COL5A2: variants seen among roughly 807,000 people sequenced by gnomAD.
COL5A2 encodes collagen type V alpha 2 chain.
In COL5A2, 23 loss-of-function variants were observed where a neutral mutation model predicts 208.2. The ratio of observed to expected loss-of-function variants is 0.11; its 90% CI spans 0.08 to 0.16. The LOEUF (loss-of-function observed/expected upper bound fraction) is 0.16. Among genes scored for constraint, COL5A2 ranks in the 10% least tolerant of loss-of-function variants. The pLI is 1.00. For missense variants in COL5A2, 1,590 were observed against 1,956.4 expected (o/e 0.81, Z 3.53); for synonymous variants, 625 against 628.5 (o/e 0.99, Z 0.08).
chr2:189,211,481 G>A (rs1437161291), intron 1 of COL5A2, among the ~76,000 whole-genome samples: 3 of 152,166 alleles, frequency 2.0e-5, no homozygotes, highest in Non-Finnish European at 4.4e-5. Context: ...TATAGAAAGT[G>A]TAGACCAAGA....
chr2:189,106,944 ATAAT>A (rs1454925590), intron 2 of COL5A2, among the ~76,000 whole-genome samples: 21 of 151,516 alleles, frequency 1.4e-4, no homozygotes, highest in African/African-American at 4.8e-4. Context: ...TTTTTCATGA[ATAAT>A]TACTCTCTTA....
At chr2:189,294,436 G>A in the COL5A2 span, among the ~76,000 whole-genome samples, 3 of 152,108 alleles carry the variant, frequency 2.0e-5, no homozygotes, top group East Asian at 1.9e-4. Flanking sequence ...GATTAGAGTC[G>A]ATTAGAGGAG....
At chr2:189,036,856 A>G (rs1026618810) in intron 51 of COL5A2, 53 bp from the exon 52 acceptor site, 2 of 1,315,198 alleles carry the variant, frequency 1.5e-6, no homozygotes, top group African/African-American at 1.5e-5. Flanking sequence ...AATCATGACT[A>G]TAAGTCTCCA....
At chr2:189,203,860 C>T (rs1405699401) in intron 1 of COL5A2, among the ~76,000 whole-genome samples, 1 of 151,638 alleles carries the variant, frequency 6.6e-6, no homozygotes, top group East Asian at 1.9e-4. Context: ...TAGTCTGTAA[C>T]TTTCCCTGTC....
At chr2:189,366,570 C>G in the COL5A2 span, among the ~76,000 whole-genome samples, 2 of 152,354 alleles carry the variant, frequency 1.3e-5, no homozygotes, top group African/African-American at 4.8e-5. Context: ...TAATTACCAT[C>G]ACATTCCTCA....
At chr2:189,067,093 T>C (rs1430081994) in intron 21 of COL5A2, among the ~76,000 whole-genome samples, 2 of 152,166 alleles carry the variant, frequency 1.3e-5, no homozygotes, top group Admixed American at 6.5e-5. Context: ...AATTTGAAAA[T>C]TAAAATTGGA....
chr2:189,051,138 C>T (rs1397465691), intron 42 of COL5A2, among the ~76,000 whole-genome samples, 182 bp downstream of exon 42: 2 of 151,992 alleles, frequency 1.3e-5, no homozygotes, highest in African/African-American at 4.8e-5. Context: ...TCTATTACTG[C>T]TATTTTTAAA....
intron 17 of COL5A2, among the ~76,000 whole-genome samples, chr2:189,072,799 T>C (rs1686305929): frequency 6.7e-6 from 1 of 150,248 alleles, no homozygotes; most frequent in Admixed American, 6.7e-5. Context: ...ATCTGGATAT[T>C]TTAGAGAGGT....
At chr2:189,278,477 CAG>C in the COL5A2 span, among the ~76,000 whole-genome samples, 1 of 152,016 alleles carries the variant, frequency 6.6e-6, no homozygotes, top group Non-Finnish European at 1.5e-5. Flanking sequence ...TTGGAAGAAA[CAG>C]AAAATTAAAC....
intron 1 of COL5A2, among the ~76,000 whole-genome samples, chr2:189,205,212 G>A (rs1689128216): frequency 6.6e-6 from 1 of 152,230 alleles, no homozygotes; most frequent in Non-Finnish European, 1.5e-5. Flanking sequence ...AGCCAAAAGA[G>A]AAGAAATCTT....
chr2:189,161,550 T>C (rs976586757), intron 1 of COL5A2, among the ~76,000 whole-genome samples: 9 of 152,234 alleles, frequency 5.9e-5, no homozygotes, highest in Non-Finnish European at 1.2e-4. Flanking sequence ...TTAAGCTCAA[T>C]GCTATGTATA....
chr2:189,408,522 A>C, the COL5A2 span, among the ~76,000 whole-genome samples: 1 of 152,190 alleles, frequency 6.6e-6, no homozygotes, highest in Non-Finnish European at 1.5e-5. Flanking sequence ...ATAAAAAGGA[A>C]AGCAACTCAG....
chr2:189,120,198 AC>A (rs1365071930), intron 1 of COL5A2, among the ~76,000 whole-genome samples: 7 of 152,136 alleles, frequency 4.6e-5, no homozygotes, highest in Non-Finnish European at 7.4e-5. Flanking sequence ...GCCAAAAACA[AC>A]CAAAATATAC....
the COL5A2 span, among the ~76,000 whole-genome samples, chr2:189,333,119 TTGAATTATCC>T: frequency 0.024 from 3,644 of 152,120 alleles, 160 homozygotes; most frequent in African/African-American, 0.084. Flanking sequence ...AGAGTTTAAA[TTGAATTATCC>T]AATCTTACTC....
chr2:189,179,689 T>A lies in COL5A2; in HGVS notation c.-85A>T. 1 of 1,544,924 alleles carries A rather than the reference T, an allele frequency of 6.5e-7. No individual in the cohort carries two copies. Among genetic ancestry groups the A allele is most frequent in the Non-Finnish European group, 8.7e-7 (1 of 1,147,250 alleles). ...TAGCACCATGAAGTCAGCTGTGGGCTCTTCTTTCAGCACCAGCCCCAGGGC... is the reference window on the plus strand; with the variant it reads ...TAGCACCATGAAGTCAGCTGTGGGCACTTCTTTCAGCACCAGCCCCAGGGC... On this transcript the variant is annotated 5_prime_UTR_variant, in exon 1 of 54. Coordinates refer to ENST00000374866, the MANE Select transcript of COL5A2 (RefSeq NM_000393.5).
Position 189,049,361 on chromosome 2 carries a change from C to T in COL5A2, c.3133G>A (p.Glu1045Lys), listed in dbSNP as rs1200598296. Reference sequence around the variant, plus strand: ...GTAGTACTCACTTCTGGTCCAGGTTCCCCTACAGGACCATTGGAGCCTGGG... The same window carrying T: ...GTAGTACTCACTTCTGGTCCAGGTTTCCCTACAGGACCATTGGAGCCTGGG... ...GPPGSNGPVG[E>K]PGPEGPAGND... is the part of the protein sequence containing the mutation. The change falls in exon 44 of 54, where the codon GAA (glutamate) becomes AAA (lysine). Residue 1045 changes from glutamate (E) to lysine (K), a missense_variant. Glu to Lys is a moderately conservative substitution (Grantham distance 56, BLOSUM62 1). Transcript: ENST00000374866. The T allele has an allele frequency of 1.2e-6, 2 of 1,610,194 alleles. No individual in the cohort carries two copies. Among genetic ancestry groups the T allele is most frequent in the Non-Finnish European group, 1.7e-6 (2 of 1,177,072 alleles).
chr2:189,304,143 T>C, the COL5A2 span, among the ~76,000 whole-genome samples: 4 of 152,236 alleles, frequency 2.6e-5, no homozygotes, highest in Admixed American at 2.0e-4. Context: ...TGCTGTTATA[T>C]AAAATAGTCA....
At chr2:189,177,338 C>T (rs932848108) in intron 1 of COL5A2, among the ~76,000 whole-genome samples, 7 of 152,104 alleles carry the variant, frequency 4.6e-5, no homozygotes, top group Admixed American at 6.5e-5. Flanking sequence ...ATTATGACAC[C>T]TTTATTAAGC....
At chr2:189,120,867 T>C (rs1388120818) in intron 1 of COL5A2, among the ~76,000 whole-genome samples, 1 of 152,236 alleles carries the variant, frequency 6.6e-6, no homozygotes, top group Non-Finnish European at 1.5e-5. Flanking sequence ...ATAAAATAAA[T>C]ACACTTATTC....
Sources: gnomAD v4.1 joint callset for allele counts (sites outside exome capture counted in the v4.1 genomes callset) on GRCh38, gnomAD v4.1.1 for gene constraint, MANE v1.5 for transcripts, NCBI Gene and HGNC (gene_info 2026-07-23, HGNC 2026-07-21) for gene names.